Variants in LIN7A observed in about 807,000 individuals in gnomAD.
LIN7A encodes the protein protein lin-7 homolog A.
In LIN7A, 25 loss-of-function variants were observed where a neutral mutation model predicts 29.8. That is an observed-to-expected ratio of 0.84 (90% CI 0.61 to 1.17). The LOEUF is 1.17. Ranked by LOEUF, LIN7A falls within the 50% of genes most tolerant of loss-of-function variation. LIN7A has a pLI of 0.00. For synonymous variants in LIN7A, 118 were observed against 107.5 expected, an observed-to-expected ratio of 1.10 and a Z score of -0.60; for missense variants, 239 against 287.0, an observed-to-expected ratio of 0.83 and a Z score of 1.21.
intron 1 of LIN7A, among the ~76,000 whole-genome samples, chr12:80,893,091 CAG>C (rs1349712462): frequency 1.3e-5 from 2 of 152,150 alleles, no homozygotes; most frequent in African/African-American, 4.8e-5. Context: ...TTACAGACCC[CAG>C]AGAGAGAAAA....
intron 2 of LIN7A, among the ~76,000 whole-genome samples, chr12:80,888,803 T>C (rs1385167970): frequency 1.3e-5 from 2 of 152,160 alleles, no homozygotes; most frequent in Non-Finnish European, 2.9e-5. Context: ...TAGAAAGGCA[T>C]ACCAGCCTAT....
chr12:80,816,228 G>A (rs1177979355), intron 4 of LIN7A, among the ~76,000 whole-genome samples: 1 of 152,102 alleles, frequency 6.6e-6, no homozygotes, highest in Non-Finnish European at 1.5e-5. Flanking sequence ...AACATGGCAA[G>A]ACCCCATCTC....
chr12:80,800,779 C>T (rs534043067), intron 5 of LIN7A, among the ~76,000 whole-genome samples: 1 of 151,844 alleles, frequency 6.6e-6, no homozygotes, highest in African/African-American at 2.4e-5. Flanking sequence ...ATACCAAAGC[C>T]AGACGAAGAC....
At chr12:80,898,970 C>T (rs1304994264) in intron 1 of LIN7A, among the ~76,000 whole-genome samples, 1 of 151,964 alleles carries the variant, frequency 6.6e-6, no homozygotes, top group Non-Finnish European at 1.5e-5. Flanking sequence ...ATTTGGATGC[C>T]TTTTCTTTCT....
intron 1 of LIN7A, among the ~76,000 whole-genome samples, chr12:80,903,461 A>T (rs1163886455): frequency 1.3e-5 from 2 of 151,996 alleles, no homozygotes; most frequent in Non-Finnish European, 2.9e-5. Flanking sequence ...TGTGGTATTG[A>T]CTTTGTTTCT....
chr12:80,878,134 C>T (rs113063643), intron 2 of LIN7A, among the ~76,000 whole-genome samples: 5 of 152,160 alleles, frequency 3.3e-5, no homozygotes, highest in Non-Finnish European at 5.9e-5. Context: ...TAACAGCCTT[C>T]AGAGTCATTA....
At chr12:80,894,687 T>C (rs1286625179) in intron 1 of LIN7A, among the ~76,000 whole-genome samples, 2 of 152,128 alleles carry the variant, frequency 1.3e-5, no homozygotes, top group African/African-American at 4.8e-5. Flanking sequence ...TTAGTACTCA[T>C]CTCAGATGAT....
At chr12:80,914,751 G>T (rs1876943579) in intron 1 of LIN7A, among the ~76,000 whole-genome samples, 1 of 152,126 alleles carries the variant, frequency 6.6e-6, no homozygotes, top group Non-Finnish European at 1.5e-5. Flanking sequence ...TCTATTAATA[G>T]TTTCTAATGG....
chr12:80,829,643 T>C (rs560721444), intron 4 of LIN7A, among the ~76,000 whole-genome samples: 13 of 152,338 alleles, frequency 8.5e-5, no homozygotes, highest in South Asian at 2.1e-4. Flanking sequence ...TCTTGATAGA[T>C]GTGAGATTCC....
chr12:80,904,614 C>T (rs1876382124), intron 1 of LIN7A, among the ~76,000 whole-genome samples: 1 of 152,084 alleles, frequency 6.6e-6, no homozygotes, highest in Non-Finnish European at 1.5e-5. Context: ...ACAGGATTTT[C>T]TTATTTTTCA....
At chr12:80,813,176 A>T (rs1871374974) in intron 4 of LIN7A, among the ~76,000 whole-genome samples, 1 of 151,966 alleles carries the variant, frequency 6.6e-6, no homozygotes, top group Non-Finnish European at 1.5e-5. Flanking sequence ...ACGCCCAGCT[A>T]ATTTTTTTCT....
At chr12:80,916,748 G>C (rs1467884080) in intron 1 of LIN7A, among the ~76,000 whole-genome samples, 1 of 152,150 alleles carries the variant, frequency 6.6e-6, no homozygotes, top group Admixed American at 6.5e-5. Flanking sequence ...TGCAGGAATA[G>C]GAAAAGATTT....
At chr12:80,834,542 T>A (rs1015982951) in intron 4 of LIN7A, among the ~76,000 whole-genome samples, 1 of 152,184 alleles carries the variant, frequency 6.6e-6, no homozygotes, top group African/African-American at 2.4e-5. Context: ...GAAAGGCCTA[T>A]GATCAAATGT....
intron 2 of LIN7A, among the ~76,000 whole-genome samples, chr12:80,876,191 A>T (rs1238250998): frequency 6.6e-6 from 1 of 152,082 alleles, no homozygotes; most frequent in Non-Finnish European, 1.5e-5. Context: ...CTAGGATCAA[A>T]ACTATGTGCC....
chr12:80,919,728 G>T (rs1234416043), intron 1 of LIN7A, among the ~76,000 whole-genome samples: 1 of 152,138 alleles, frequency 6.6e-6, no homozygotes, highest in South Asian at 2.1e-4. Context: ...AAGGGGCAGG[G>T]AACTCTCCCA....
rs549656730 is a variant in LIN7A at position 80,869,346 on chromosome 12, T to A, written c.201+19905A>T. On this transcript the variant is annotated intron_variant, in intron 2 of 5. Transcript: ENST00000552864. ...ATTTCTATCTGACTTGAGAAGATTC[T>A]GTAGTGTGGGGAGTTCTGTGGACCC... 1.1e-4 allele frequency among the ~76,000 whole-genome samples: 16 copies of A among 152,244 alleles called. No homozygotes were observed. In the South Asian group the frequency reaches 3.1e-3, roughly 30 times the overall value.
chr12:80,811,764 T>C, intron 4 of LIN7A, 81 bp from the exon 5 acceptor site: 1 of 1,505,814 alleles, frequency 6.6e-7, no homozygotes. Context: ...TAATATCACA[T>C]TAAGAACCCA....
Position 80,797,530 on chromosome 12 carries a change from C to T in LIN7A, c.*197G>A, listed in dbSNP as rs1459686381. On this transcript the variant is annotated 3_prime_UTR_variant, in exon 6 of 6. Coordinates refer to ENST00000552864, the MANE Select transcript of LIN7A (RefSeq NM_004664.4). Reference sequence around the variant, plus strand: ...ATGGAAGGTCAATGTATGTAAAGCCCACGTGAGCAGTGGCGGTTCAAGCCC... The same window carrying T: ...ATGGAAGGTCAATGTATGTAAAGCCTACGTGAGCAGTGGCGGTTCAAGCCC... The T allele has an allele frequency of 6.6e-6, 1 of 152,600 alleles. No homozygotes were observed. 9.5% of individuals were successfully genotyped at this position (152,600 alleles called of 1,614,324 possible). A position where few individuals can be genotyped will look rare whatever the true frequency, so the allele number is the denominator to read the frequency against.
intron 5 of LIN7A, among the ~76,000 whole-genome samples, chr12:80,807,859 C>T (rs951043): frequency 0.1 from 15,276 of 152,252 alleles, 827 homozygotes; most frequent in East Asian, 0.18. Flanking sequence ...TGGACTACTA[C>T]ACATTAGCCT....
Sources: gnomAD v4.1 joint callset for allele counts (sites outside exome capture counted in the v4.1 genomes callset) on GRCh38, gnomAD v4.1.1 for gene constraint, MANE v1.5 for transcripts, NCBI Gene and HGNC (gene_info 2026-07-23, HGNC 2026-07-21) for gene names.